RALGAPA1: variants seen among roughly 807,000 people sequenced by gnomAD.
RALGAPA1 encodes Ral GTPase activating protein catalytic subunit alpha 1.
RALGAPA1 carries 52 observed loss-of-function variants against 269.6 expected under a neutral mutation model. The ratio of observed to expected loss-of-function variants is 0.19; its 90% CI spans 0.15 to 0.24. The LOEUF is 0.24. Among genes scored for constraint, RALGAPA1 ranks in the 10% least tolerant of loss-of-function variants. The pLI is 1.00. For missense variants in RALGAPA1, 1,917 were observed against 3,013.9 expected (o/e 0.64, Z 8.52); for synonymous variants, 817 against 1,008.3 (o/e 0.81, Z 3.60).
intron 35 of RALGAPA1, among the ~76,000 whole-genome samples, chr14:35,621,138 A>G (rs1443952258): frequency 1.3e-5 from 2 of 152,218 alleles, no homozygotes; most frequent in Non-Finnish European, 1.5e-5. Context: ...TAACCAAAAC[A>G]GCATGGTACT....
chr14:35,550,011 ATAT>A (rs1566654120), intron 39 of RALGAPA1, among the ~76,000 whole-genome samples: 1 of 152,222 alleles, frequency 6.6e-6, no homozygotes, highest in African/African-American at 2.4e-5. Context: ...TTCTTCTCTG[ATAT>A]TATTGACAAG....
At chr14:35,730,680 T>C (rs2070393556) in intron 12 of RALGAPA1, among the ~76,000 whole-genome samples, 1 of 151,910 alleles carries the variant, frequency 6.6e-6, no homozygotes, top group South Asian at 2.1e-4. Context: ...GGTACACAAC[T>C]CCATTGACCT....
At chr14:35,715,934 G>A in intron 16 of RALGAPA1, 1 of 985,248 alleles carries the variant, frequency 1.0e-6, no homozygotes, top group Non-Finnish European at 1.2e-6. Context: ...AGTCTTAGAG[G>A]TTTCTCTATT....
intron 39 of RALGAPA1, among the ~76,000 whole-genome samples, chr14:35,559,896 T>C (rs1288186800): frequency 2.0e-5 from 3 of 152,224 alleles, no homozygotes; most frequent in African/African-American, 7.2e-5. Context: ...AAGAGTATCA[T>C]GAGTCTATCA....
chr14:35,770,603 C>T lies in RALGAPA1; in HGVS notation c.325+339G>A, dbSNP rs556314952. Among the ~76,000 whole-genome samples, 6 of 152,162 alleles carry T rather than the reference C, an allele frequency of 3.9e-5. No individual in the cohort carries two copies. In the South Asian group the frequency reaches 8.3e-4, roughly 21 times the overall value. Reference sequence around the variant, plus strand: ...ACACAAATGTCCATTCTATTTAGCACTTTGCATTTTTCTTCCATCTCTGAT... The same window carrying T: ...ACACAAATGTCCATTCTATTTAGCATTTTGCATTTTTCTTCCATCTCTGAT... On this transcript the variant is annotated intron_variant, in intron 4 of 41. Coordinates refer to ENST00000680220, the MANE Select transcript of RALGAPA1 (RefSeq NM_001346249.2).
At chr14:35,690,389 C>T (rs868113691) in intron 17 of RALGAPA1, among the ~76,000 whole-genome samples, 17 of 152,110 alleles carry the variant, frequency 1.1e-4, no homozygotes, top group African/African-American at 2.9e-4. Flanking sequence ...CACAGAAAGC[C>T]GATCCAAGTA....
chr14:35,640,502 A>G, intron 31 of RALGAPA1, among the ~76,000 whole-genome samples: 1 of 152,178 alleles, frequency 6.6e-6, no homozygotes, highest in South Asian at 2.1e-4. Context: ...GAAACGGATA[A>G]ACTCCTAGAC....
intron 7 of RALGAPA1, among the ~76,000 whole-genome samples, chr14:35,754,057 T>C (rs1183021188): frequency 1.3e-5 from 2 of 152,138 alleles, no homozygotes; most frequent in East Asian, 3.9e-4. Context: ...GCTACCTTAA[T>C]CAAAGGATTA....
chr14:35,742,625 C>G (rs1258786823), intron 10 of RALGAPA1, 60 bp from the exon 11 acceptor site: 41 of 1,179,658 alleles, frequency 3.5e-5, no homozygotes, highest in Non-Finnish European at 4.9e-5. Context: ...AAACCACTAA[C>G]GCAGTAATGT....
At chr14:35,673,110 T>C (rs2140261226) in intron 24 of RALGAPA1, 88 bp from the exon 25 acceptor site, 1 of 1,245,862 alleles carries the variant, frequency 8.0e-7, no homozygotes, top group Admixed American at 4.1e-5. Context: ...ACGATGTATA[T>C]AATCTCATTT....
intron 17 of RALGAPA1, among the ~76,000 whole-genome samples, chr14:35,699,303 C>T (rs2067147893): frequency 6.6e-6 from 1 of 151,922 alleles, no homozygotes; most frequent in South Asian, 2.1e-4. Flanking sequence ...GTTGTATTTG[C>T]GTGGAGGGGA....
At chr14:35,592,337 AGACC>A (rs2058687834) in intron 37 of RALGAPA1, among the ~76,000 whole-genome samples, 1 of 152,240 alleles carries the variant, frequency 6.6e-6, no homozygotes, top group Non-Finnish European at 1.5e-5. Context: ...AAGTCTGAAC[AGACC>A]AATAACAAAG....
chr14:35,704,465 T>C (rs1405774240), intron 16 of RALGAPA1, among the ~76,000 whole-genome samples: 2 of 152,142 alleles, frequency 1.3e-5, no homozygotes, highest in Non-Finnish European at 2.9e-5. Context: ...TAAGTTCCCT[T>C]TCTGTTTATT....
intron 1 of RALGAPA1, among the ~76,000 whole-genome samples, chr14:35,801,250 C>G (rs1347568561): frequency 3.4e-5 from 4 of 118,356 alleles, no homozygotes; most frequent in South Asian, 5.1e-4. Context: ...CACAGACACA[C>G]ACACACACAC....
At chr14:35,784,946 G>A (rs2075696363) in intron 1 of RALGAPA1, among the ~76,000 whole-genome samples, 1 of 152,138 alleles carries the variant, frequency 6.6e-6, no homozygotes, top group Admixed American at 6.6e-5. Context: ...ACTTTGGGAG[G>A]CTGAAGTGGG....
intron 33 of RALGAPA1, among the ~76,000 whole-genome samples, chr14:35,631,791 AC>A (rs2061373050): frequency 6.6e-6 from 1 of 152,212 alleles, no homozygotes; most frequent in Non-Finnish European, 1.5e-5. Context: ...ACTGGATATA[AC>A]AGAAACAATA....
At position 35,725,123 on chromosome 14, in the gene RALGAPA1, G is replaced by A. The variant is rs2069772227; in HGVS notation, c.1767C>T (p.Val589=). 1 of 1,596,622 alleles carries A rather than the reference G, an allele frequency of 6.3e-7. No homozygotes were observed. Among genetic ancestry groups the A allele is most frequent in the South Asian group, 1.1e-5 (1 of 87,588 alleles). ...ATGGCATCTTCAGTACAGATTCCGTGACTCTGAGCAACACAAGCAGCATCT... is the reference window on the plus strand; with the variant it reads ...ATGGCATCTTCAGTACAGATTCCGTAACTCTGAGCAACACAAGCAGCATCT... ...WEQMLLVLLR[V]TESVLKMPSQ... is the part of the protein sequence containing the mutation. Residue 589 remains valine (V), a synonymous_variant, in exon 14 of 42, where the codon GTC becomes GTT. Transcript: ENST00000680220.
chr14:35,764,207 C>T (rs1246347378), intron 4 of RALGAPA1, among the ~76,000 whole-genome samples: 1 of 151,850 alleles, frequency 6.6e-6, no homozygotes, highest in Admixed American at 6.6e-5. Context: ...CCTCCCACTT[C>T]AGCCTCCTGA....
At chr14:35,801,002 T>A (rs2076926569) in intron 1 of RALGAPA1, among the ~76,000 whole-genome samples, 1 of 150,176 alleles carries the variant, frequency 6.7e-6, no homozygotes, top group African/African-American at 2.5e-5. Flanking sequence ...AAACTCTGTC[T>A]CCTGCGTCCC....
Sources: gnomAD v4.1 joint callset for allele counts (sites outside exome capture counted in the v4.1 genomes callset) on GRCh38, gnomAD v4.1.1 for gene constraint, MANE v1.5 for transcripts, NCBI Gene and HGNC (gene_info 2026-07-23, HGNC 2026-07-21) for gene names.